KIF19: variants seen among roughly 807,000 people sequenced by gnomAD.
KIF19 encodes the protein kinesin family member 19.
Under a neutral mutation model 106.6 loss-of-function variants are expected in KIF19, and 98 were observed. That is an observed-to-expected ratio of 0.92 (90% CI 0.78 to 1.09). The LOEUF is 1.09. Ranked by LOEUF, KIF19 falls within the 50% of genes least tolerant of loss-of-function variation. KIF19 has a pLI of 0.00. For synonymous variants in KIF19, 516 were observed against 584.2 expected (o/e 0.88, Z 1.68); for missense variants, 1,373 against 1,414.3 (o/e 0.97, Z 0.47).
rs1399933518 is a variant in KIF19, at chr17:74,350,435, G to C, written c.1248G>C (p.Lys416Asn). The C allele has an allele frequency of 3.7e-6, 6 of 1,607,720 alleles. No individual in the cohort carries two copies. The highest frequency in any genetic ancestry group is 4.2e-6 in the Non-Finnish European group (5 of 1,178,012). Reference sequence around the variant, plus strand: ...AGCTGCACAGCGGGCAGGGTGAGAAGGCTGGCATGGGACAGCTTCGGGAGC... The same window carrying C: ...AGCTGCACAGCGGGCAGGGTGAGAACGCTGGCATGGGACAGCTTCGGGAGC... ...EVQLHSGQGE[K>N]AGMGQLREQL... Residue 416 changes from lysine to asparagine, a missense_variant, in exon 11 of 20, where the codon AAG becomes AAC. Coordinates refer to ENST00000389916, the MANE Select transcript of KIF19 (RefSeq NM_153209.4).
At chr17:74,333,188 C>T (rs759863166) in intron 2 of KIF19, among the ~76,000 whole-genome samples, 4 of 152,070 alleles carry the variant, frequency 2.6e-5, no homozygotes, top group African/African-American at 4.8e-5. Context: ...AAGAGCTGAG[C>T]TGGTGGAGAG....
chr17:74,334,011 G>A lies in KIF19; in HGVS notation c.120+5506G>A, dbSNP rs149861883. Among the ~76,000 whole-genome samples the A allele has an allele frequency of 1.7e-3, 265 of 151,542 alleles. 2 individuals are homozygous for A. Among genetic ancestry groups the A allele is most frequent in the African/African-American group, 6.0e-3 (249 of 41,322 alleles). On this transcript the variant is annotated intron_variant, in intron 2 of 19. Coordinates refer to ENST00000389916, the MANE Select transcript of KIF19 (RefSeq NM_153209.4). ...GTTGATTTTTTTAATTTTTAGTAGA[G>A]GTGTGGTCTGGCTATCTTGCCCAGG... is the stretch of plus-strand genomic sequence containing the variant.
chr17:74,336,180 T>C (rs752528013), intron 2 of KIF19, among the ~76,000 whole-genome samples: 1 of 152,214 alleles, frequency 6.6e-6, no homozygotes, highest in African/African-American at 2.4e-5. Flanking sequence ...GAGATTCTCA[T>C]GCCTCAGCCT....
rs991216151 is a variant in KIF19 at position 74,346,055 on chromosome 17, T to C, written c.778-323T>C. ...CTGGAGCACCAGTGGTCCTGCCGGC[T>C]CCCAGCTGAGCTGCCTGGAAAGCAA... On this transcript the variant is annotated intron_variant, in intron 7 of 19. Transcript: ENST00000389916. The surrounding 1 kb of genome is among the most constrained non-coding windows in gnomAD (Gnocchi z 4.6). Among the ~76,000 whole-genome samples, 3 of 152,208 alleles carry C rather than the reference T, an allele frequency of 2.0e-5. No individual in the cohort carries two copies. The highest frequency in any genetic ancestry group is 2.9e-5 in the Non-Finnish European group (2 of 68,034).
At chr17:74,351,503 A>T (rs2054701657) in intron 12 of KIF19, among the ~76,000 whole-genome samples, 1 of 152,022 alleles carries the variant, frequency 6.6e-6, no homozygotes, top group South Asian at 2.1e-4. Context: ...AAAGAAAAAT[A>T]ATAATAATAA....
intron 2 of KIF19, among the ~76,000 whole-genome samples, chr17:74,336,162 G>T (rs570140957): frequency 2.0e-5 from 3 of 152,220 alleles, no homozygotes; most frequent in African/African-American, 7.2e-5. Context: ...TCTGCCTCCT[G>T]GGTTCAAGAG....
chr17:74,355,206 C>T lies in KIF19; in HGVS notation c.2891C>T (p.Ala964Val), dbSNP rs758102065. 5.0e-6 allele frequency: 8 copies of T among 1,609,830 alleles called. No homozygotes were observed. Among genetic ancestry groups the T allele is most frequent in the Non-Finnish European group, 6.8e-6 (8 of 1,177,888 alleles). Residue 964 changes from alanine to valine, a missense_variant, in exon 20 of 20, where the codon GCT (alanine) becomes GTT (valine). Transcript: ENST00000389916. Reference protein sequence around the residue: ...NTGPGDSSPLAVPPNPGGGSR... With the variant: ...NTGPGDSSPLVVPPNPGGGSR... ...GGCCCGGGGGACTCCTCACCCCTGG[C>T]TGTTCCCCCCAACCCAGGTGGTGGT...
Position 74,344,922 on chromosome 17 carries a change from G to A in KIF19, c.744G>A (p.Met248Ile). The A allele has an allele frequency of 6.2e-7, 1 of 1,610,392 alleles. No individual in the cohort carries two copies. The highest frequency in any genetic ancestry group is 1.1e-5 in the South Asian group (1 of 90,926). ...AGGTGCGGCAGGGCCGCCTGTTCAT[G>A]ATCGACCTGGCTGGCTCAGAGCGCG... ...LQEVRQGRLF[M>I]IDLAGSERAS... The change falls in exon 7 of 20, where the codon ATG becomes ATA. Residue 248 changes from methionine (M) to isoleucine (I), a missense_variant. Physicochemically the swap from Met to Ile is conservative, Grantham distance 10. Transcript: ENST00000389916.
chr17:74,352,757 C>T, intron 14 of KIF19, 64 bp from the exon 15 acceptor site: 1 of 1,596,646 alleles, frequency 6.3e-7, no homozygotes. Flanking sequence ...GCCTTTGTGA[C>T]TCTGTGCTGA....
intron 9 of KIF19, 112 bp downstream of exon 9, chr17:74,348,011 T>A (rs1471216319): frequency 1.6e-6 from 2 of 1,260,620 alleles, no homozygotes; most frequent in Non-Finnish European, 2.2e-6. Flanking sequence ...ACTGCTGCAC[T>A]GGCCTCATTC....
intron 2 of KIF19, chr17:74,329,027 C>G (rs1483773599): frequency 6.5e-6 from 1 of 152,828 alleles, no homozygotes; most frequent in Non-Finnish European, 1.5e-5. Context: ...CTCTCCATTA[C>G]CTTAAGTCTA....
intron 2 of KIF19, among the ~76,000 whole-genome samples, chr17:74,337,023 G>A (rs941646414): frequency 2.6e-5 from 4 of 151,974 alleles, no homozygotes; most frequent in African/African-American, 7.3e-5. Context: ...TAGTAGAGAC[G>A]GGGTTTCGCC....
At position 74,353,581 on chromosome 17, in the gene KIF19, G is replaced by A. The variant is rs1184344286; in HGVS notation, c.2308G>A (p.Glu770Lys). ...GTCGGAGATCCCCTTGTCCCACAAA[G>A]GTATGTGTGCCCTCTGCTGCCCGGC... ...NLSEIPLSHK[E>K]RKEILTGTKC... Residue 770 changes from glutamate (E) to lysine (K), a missense_variant and splice_region_variant, in exon 17 of 20, where the codon GAG (glutamate) becomes AAG (lysine). By Grantham distance (56) the Glu-to-Lys change is moderately conservative. Transcript: ENST00000389916. The A allele has an allele frequency of 6.2e-7, 1 of 1,612,384 alleles. No homozygotes were observed. Among genetic ancestry groups the A allele is most frequent in the African/African-American group, 1.3e-5 (1 of 74,918 alleles).
chr17:74,339,745 C>A (rs534074213), intron 2 of KIF19, among the ~76,000 whole-genome samples: 1 of 152,236 alleles, frequency 6.6e-6, no homozygotes, highest in South Asian at 2.1e-4. Flanking sequence ...GGAGCCCAGG[C>A]GTCCCCAGGC....
intron 1 of KIF19, among the ~76,000 whole-genome samples, chr17:74,327,039 G>T (rs1481146347): frequency 6.6e-6 from 1 of 152,200 alleles, no homozygotes; most frequent in Admixed American, 6.5e-5. Context: ...AGTGGTGCCT[G>T]GGCCAGAGCA....
rs142882592 is a variant in KIF19 at position 74,334,268 on chromosome 17, AC to A, written c.120+5764del. ...AATCCTCTAGGTTGCAAGGATCCTT[AC>A]ACTCAGCATCTGGATGGATACAAGG... On this transcript the variant is annotated intron_variant, in intron 2 of 19. Transcript: ENST00000389916. Among the ~76,000 whole-genome samples, 85 of 152,300 alleles carry A rather than the reference AC, an allele frequency of 5.6e-4. 1 individual carries two copies. In the East Asian group the frequency reaches 0.012, roughly 22 times the overall value.
At position 74,344,854 on chromosome 17, in the gene KIF19, G is replaced by A. The variant is rs1472544432; in HGVS notation, c.676G>A (p.Val226Met). The stretch of plus-strand genomic sequence containing the variant: ...CTCCCGCTCCCACGCGGTACTGCAG[G>A]TGACCGTGCGCCAGCGCAGCCGGGT... Reference protein sequence around the residue: ...TSSRSHAVLQVTVRQRSRVKN... With the variant: ...TSSRSHAVLQMTVRQRSRVKN... Residue 226 changes from valine (V) to methionine (M), a missense_variant, in exon 7 of 20, where the codon GTG becomes ATG. This residue lies in a region of KIF19 where 348 missense variants were observed against 389.5 expected (regional missense o/e 0.89). Coordinates refer to ENST00000389916, the MANE Select transcript of KIF19 (RefSeq NM_153209.4). The A allele has an allele frequency of 6.2e-7, 1 of 1,612,852 alleles. No homozygotes were observed. Among genetic ancestry groups the A allele is most frequent in the Admixed American group, 1.7e-5 (1 of 60,020 alleles).
Position 74,354,804 on chromosome 17 carries a change from TC to T in KIF19, c.2731del (p.Leu911TrpfsTer119). The T allele has an allele frequency of 6.4e-7, 1 of 1,559,210 alleles. No homozygotes were observed. Among genetic ancestry groups the T allele is most frequent in the Non-Finnish European group, 8.7e-7 (1 of 1,151,730 alleles). On this transcript the variant is annotated frameshift_variant, in exon 19 of 20. Coordinates refer to ENST00000389916, the MANE Select transcript of KIF19 (RefSeq NM_153209.4). LOFTEE classifies it high-confidence loss of function. ...GQGLSHPKTH[L>X]LGPHQAERIS... is the part of the protein sequence containing the mutation. ...CAGCTCTCCCACCCCAAGACACACC[TC>T]CTGGGGCCCCATCAGGCGGAGCGCA...
chr17:74,340,314 C>T (rs1020463201), intron 2 of KIF19, among the ~76,000 whole-genome samples: 6 of 152,294 alleles, frequency 3.9e-5, no homozygotes, highest in African/African-American at 1.4e-4. Flanking sequence ...TCTCTATCCC[C>T]TCCCATACCC....
Sources: allele counts gnomAD v4.1 joint callset (sites outside exome capture counted in the v4.1 genomes callset), GRCh38; gene constraint gnomAD v4.1.1; regional missense constraint gnomAD v4.1.1; non-coding constraint Gnocchi (gnomAD v3.1); transcripts MANE v1.5; gene names NCBI Gene and HGNC (gene_info 2026-07-23, HGNC 2026-07-21).